Variants in CHIC1 observed in about 807,000 individuals in gnomAD.
The protein encoded by CHIC1 is cysteine-rich hydrophobic domain-containing protein 1.
Under a neutral mutation model 18.5 loss-of-function variants are expected in CHIC1, and 7 were observed. The ratio of observed to expected loss-of-function variants is 0.38; its 90% CI spans 0.22 to 0.71. The LOEUF (loss-of-function observed/expected upper bound fraction) is 0.71, where lower values mean the gene tolerates loss of function less well. Among genes scored for constraint, CHIC1 ranks in the 30% least tolerant of loss-of-function variants. The pLI, the probability that CHIC1 is intolerant of heterozygous loss-of-function variation, is 0.49. For missense variants in CHIC1, 159 were observed against 176.9 expected, an observed-to-expected ratio of 0.90 and a Z score of 0.57; for synonymous variants, 77 against 73.5, an observed-to-expected ratio of 1.05 and a Z score of -0.25.
intron 3 of CHIC1, among the ~76,000 whole-genome samples, chrX:73,656,057 A>G (rs1438994193): frequency 1.8e-5 from 2 of 111,722 alleles, no homozygotes; most frequent in Non-Finnish European, 3.8e-5. Context: ...TACTCTAATG[A>G]TCAGTGATAT....
intron 2 of CHIC1, among the ~76,000 whole-genome samples, chrX:73,582,420 TAAGA>T (rs201959749): frequency 0.014 from 1,597 of 110,440 alleles, 30 homozygotes; most frequent in African/African-American, 0.05. Flanking sequence ...AGGTAAATCT[TAAGA>T]TAGAAACTTG....
intron 3 of CHIC1, among the ~76,000 whole-genome samples, chrX:73,615,248 G>C (rs1345516587): frequency 9.0e-6 from 1 of 111,218 alleles, no homozygotes; most frequent in East Asian, 2.8e-4. Flanking sequence ...TTTTGCCCCA[G>C]TGGTGACAGC....
intron 3 of CHIC1, among the ~76,000 whole-genome samples, chrX:73,640,578 G>A (rs535342754): frequency 9.0e-6 from 1 of 111,607 alleles, no homozygotes; most frequent in South Asian, 3.8e-4. Flanking sequence ...TCTTCAGTCT[G>A]GGGAGGATGA....
At chrX:73,585,850 A>G (rs2057550481) in intron 3 of CHIC1, among the ~76,000 whole-genome samples, 1 of 111,074 alleles carries the variant, frequency 9.0e-6, no homozygotes, top group Admixed American at 9.7e-5. Flanking sequence ...TTTACTATCA[A>G]TACTTTGAAT....
At chrX:73,655,496 A>ATATATATACATATATACACAATATTGTG (rs1569504749) in intron 3 of CHIC1, among the ~76,000 whole-genome samples, 1 of 57,126 alleles carries the variant, frequency 1.8e-5, no homozygotes, top group African/African-American at 7.9e-5. Flanking sequence ...AATATTGTGT[A>ATATATATACATATATACACAATATTGTG]TATATATATA....
intron 3 of CHIC1, among the ~76,000 whole-genome samples, chrX:73,609,248 G>A (rs751994967): frequency 9.3e-5 from 10 of 107,746 alleles, no homozygotes; most frequent in Non-Finnish European, 1.7e-4. Flanking sequence ...GAATAGAAGC[G>A]GTGAAAGTGT....
chrX:73,667,380 A>AT (rs1282620252), intron 3 of CHIC1, among the ~76,000 whole-genome samples: 1 of 110,793 alleles, frequency 9.0e-6, no homozygotes, highest in African/African-American at 3.3e-5. Context: ...TATGGATTTG[A>AT]TTTTTTTCAT....
In CHIC1 at chrX:73,605,855, G is replaced by A. The variant is rs185578142; in HGVS notation, c.507+21283G>A. On this transcript the variant is annotated intron_variant, in intron 3 of 5. Coordinates refer to ENST00000373502, the MANE Select transcript of CHIC1 (RefSeq NM_001039840.4). The stretch of plus-strand genomic sequence containing the variant: ...TTCTGGCTTGTAGGGTTTCTGCAGA[G>A]AGATCTACTATTAGTCTGATGGGCT... Among the ~76,000 whole-genome samples, 181 of 108,902 alleles carry A rather than the reference G, an allele frequency of 1.7e-3. 3 individuals are homozygous for A. Among genetic ancestry groups the A allele is most frequent in the Non-Finnish European group, 2.9e-3 (152 of 53,150 alleles). 94.6% of individuals were successfully genotyped at this position (108,902 alleles called of 115,157 possible). A position where few individuals can be genotyped will look rare whatever the true frequency, so the allele number is the denominator to read the frequency against.
At chrX:73,602,476 T>A (rs963171325) in intron 3 of CHIC1, among the ~76,000 whole-genome samples, 12 of 108,910 alleles carry the variant, frequency 1.1e-4, no homozygotes, top group Non-Finnish European at 2.1e-4. Flanking sequence ...GCCTGTTCAC[T>A]CTGATGATAG....
chrX:73,641,184 T>C (rs1218365337), intron 3 of CHIC1, among the ~76,000 whole-genome samples: 2 of 111,617 alleles, frequency 1.8e-5, no homozygotes, highest in African/African-American at 6.5e-5. Flanking sequence ...TTTCTGTTTT[T>C]ATTGTGCTGT....
At chrX:73,619,450 T>C (rs2057749095) in intron 3 of CHIC1, among the ~76,000 whole-genome samples, 1 of 111,391 alleles carries the variant, frequency 9.0e-6, no homozygotes, top group African/African-American at 3.3e-5. Flanking sequence ...ACTGGTGTTT[T>C]ATTGTCTTCT....
At chrX:73,610,327 C>A (rs890301521) in intron 3 of CHIC1, among the ~76,000 whole-genome samples, 1 of 108,901 alleles carries the variant, frequency 9.2e-6, no homozygotes, top group Non-Finnish European at 1.9e-5. Context: ...GAGGGAGGTT[C>A]CCCGGCTCCA....
At chrX:73,591,888 A>G (rs1180088696) in intron 3 of CHIC1, among the ~76,000 whole-genome samples, 4 of 111,417 alleles carry the variant, frequency 3.6e-5, no homozygotes, top group Non-Finnish European at 7.6e-5. Context: ...CCAATTCCAC[A>G]CTATCTTGAT....
At chrX:73,652,598 C>T (rs1305937461) in intron 3 of CHIC1, among the ~76,000 whole-genome samples, 1 of 112,321 alleles carries the variant, frequency 8.9e-6, no homozygotes, top group Non-Finnish European at 1.9e-5. Flanking sequence ...CAAAAGAAGA[C>T]ATTTATGTGG....
chrX:73,658,248 G>GTTTTTTTTTTTTTT lies in CHIC1; in HGVS notation c.508-21060_508-21047dup. On this transcript the variant is annotated intron_variant, in intron 3 of 5. Transcript: ENST00000373502. ...ATTCAGCTGTGAATCCTGGTCCTAG[G>GTTTTTTTTTTTTTT]TTTTTTTTTTTTTTTTTTTTTTTTT... Among the ~76,000 whole-genome samples the GTTTTTTTTTTTTTT allele has an allele frequency of 2.4e-4, 4 of 16,715 alleles. 1 individual carries two copies. The highest frequency in any genetic ancestry group is 3.9e-4 in the Non-Finnish European group (4 of 10,256). 14.5% of individuals were successfully genotyped at this position (16,715 alleles called of 115,157 possible).
At chrX:73,581,095 G>T (rs746940100) in intron 2 of CHIC1, among the ~76,000 whole-genome samples, 1 of 110,719 alleles carries the variant, frequency 9.0e-6, no homozygotes, top group African/African-American at 3.3e-5. Context: ...CAATTAAACT[G>T]TGTTATGGGG....
chrX:73,632,761 TTC>T (rs1339800549), intron 3 of CHIC1, among the ~76,000 whole-genome samples: 2 of 105,950 alleles, frequency 1.9e-5, no homozygotes, highest in Non-Finnish European at 3.9e-5. Context: ...AGTATTGTTA[TTC>T]TTTTTTTTTT....
intron 3 of CHIC1, among the ~76,000 whole-genome samples, chrX:73,665,389 C>T (rs2057999542): frequency 9.0e-6 from 1 of 111,206 alleles, no homozygotes. Context: ...GATTTCTCTT[C>T]ACTTGTTCCC....
At chrX:73,616,745 C>T (rs1468378716) in intron 3 of CHIC1, among the ~76,000 whole-genome samples, 2 of 111,824 alleles carry the variant, frequency 1.8e-5, no homozygotes, top group Non-Finnish European at 3.8e-5. Flanking sequence ...CCATTTTAGC[C>T]ATGGCTAGAG....
Sources: gnomAD v4.1 joint callset for allele counts (sites outside exome capture counted in the v4.1 genomes callset) on GRCh38, gnomAD v4.1.1 for gene constraint, MANE v1.5 for transcripts, NCBI Gene and HGNC (gene_info 2026-07-23, HGNC 2026-07-21) for gene names.